Variants in CPNE4 observed in about 807,000 individuals in gnomAD.
CPNE4 encodes the protein copine 4.
CPNE4 carries 25 observed loss-of-function variants against 67.9 expected under a neutral mutation model. That is an observed-to-expected ratio of 0.37 (90% CI 0.27 to 0.51). The LOEUF (loss-of-function observed/expected upper bound fraction) is 0.51, where lower values mean the gene tolerates loss of function less well. CPNE4 is among the 20% of genes least tolerant of loss of function. The pLI is 0.93. For missense variants in CPNE4, 464 were observed against 690.8 expected (o/e 0.67, Z 3.68); for synonymous variants, 242 against 244.9 (o/e 0.99, Z 0.11).
chr3:131,664,061 G>A (rs11921146), intron 7 of CPNE4, among the ~76,000 whole-genome samples: 1 of 151,944 alleles, frequency 6.6e-6, no homozygotes, highest in African/African-American at 2.4e-5. Flanking sequence ...TGAACTTTGT[G>A]TAGGGGAAAG....
At chr3:131,697,212 A>G (rs1361696859) in intron 4 of CPNE4, among the ~76,000 whole-genome samples, 4 of 152,216 alleles carry the variant, frequency 2.6e-5, no homozygotes, top group African/African-American at 9.6e-5. Context: ...ACTTTCTCAT[A>G]ATAGGTCATT....
At chr3:132,021,138 C>T (rs182149351) in intron 1 of CPNE4, among the ~76,000 whole-genome samples, 5 of 152,268 alleles carry the variant, frequency 3.3e-5, no homozygotes, top group African/African-American at 7.2e-5. Flanking sequence ...AAAGTGTTTA[C>T]GTTTGCCTCA....
At chr3:131,976,809 T>C (rs891203583) in intron 1 of CPNE4, among the ~76,000 whole-genome samples, 1 of 152,056 alleles carries the variant, frequency 6.6e-6, no homozygotes, top group African/African-American at 2.4e-5. Context: ...CTTTTTTTTT[T>C]TTCTTTTTTT....
intron 1 of CPNE4, among the ~76,000 whole-genome samples, chr3:131,963,235 T>C (rs1169211976): frequency 4.6e-5 from 7 of 152,104 alleles, no homozygotes; most frequent in Non-Finnish European, 1.0e-4. Flanking sequence ...CCCATGGTTT[T>C]TACAACCCAC....
chr3:131,973,038 C>T (rs1028897906), intron 1 of CPNE4, among the ~76,000 whole-genome samples: 1 of 152,138 alleles, frequency 6.6e-6, no homozygotes, highest in Non-Finnish European at 1.5e-5. Flanking sequence ...TGTACATACA[C>T]CCCTTAACTC....
intron 1 of CPNE4, among the ~76,000 whole-genome samples, chr3:132,025,893 T>C (rs1301020353): frequency 6.6e-6 from 1 of 152,174 alleles, no homozygotes; most frequent in Non-Finnish European, 1.5e-5. Context: ...GCAAATATAG[T>C]GGAGCACATT....
intron 11 of CPNE4, 133 bp downstream of exon 11, chr3:131,564,083 G>T: frequency 9.7e-7 from 1 of 1,035,190 alleles, no homozygotes; most frequent in Non-Finnish European, 1.5e-6. Context: ...CTAGTACAGA[G>T]GGAATGAAAC....
At chr3:131,539,961 C>T (rs994089562) in intron 15 of CPNE4, among the ~76,000 whole-genome samples, 3 of 152,138 alleles carry the variant, frequency 2.0e-5, no homozygotes, top group Non-Finnish European at 2.9e-5. Context: ...CTAGCTCATC[C>T]GTCTGTAAAG....
intron 2 of CPNE4, among the ~76,000 whole-genome samples, chr3:131,796,152 G>GTT (rs951842963): frequency 2.1e-5 from 3 of 145,412 alleles, no homozygotes; most frequent in Non-Finnish European, 3.0e-5. Flanking sequence ...AGATGACAGA[G>GTT]TTTTTTTTTT....
intron 5 of CPNE4, among the ~76,000 whole-genome samples, chr3:131,690,004 A>C (rs2080994769): frequency 6.6e-6 from 1 of 152,206 alleles, no homozygotes; most frequent in Non-Finnish European, 1.5e-5. Flanking sequence ...GATCTCTACA[A>C]GGAAAACTAC....
intron 1 of CPNE4, among the ~76,000 whole-genome samples, chr3:131,984,792 G>C (rs979270343): frequency 1.4e-4 from 21 of 152,158 alleles, no homozygotes; most frequent in African/African-American, 5.1e-4. Flanking sequence ...AGTTTCTTCT[G>C]TCTTCTAGGG....
intron 7 of CPNE4, among the ~76,000 whole-genome samples, chr3:131,599,686 C>A (rs1462228075): frequency 2.0e-5 from 3 of 152,280 alleles, no homozygotes; most frequent in African/African-American, 7.2e-5. Context: ...TAGTGGAAAT[C>A]TGTCTGTACA....
chr3:131,879,090 T>C (rs193235879), intron 2 of CPNE4, among the ~76,000 whole-genome samples: 1 of 152,218 alleles, frequency 6.6e-6, no homozygotes, highest in Admixed American at 6.5e-5. Context: ...TAACTATTAG[T>C]GAACTGAATC....
chr3:131,771,561 A>G (rs1412654182), intron 2 of CPNE4, among the ~76,000 whole-genome samples: 2 of 152,038 alleles, frequency 1.3e-5, no homozygotes, highest in African/African-American at 4.8e-5. Flanking sequence ...TGATTTGCAC[A>G]CACCCAGTCC....
At chr3:131,937,719 G>A (rs990443885) in intron 1 of CPNE4, among the ~76,000 whole-genome samples, 2 of 152,102 alleles carry the variant, frequency 1.3e-5, no homozygotes, top group African/African-American at 4.8e-5. Context: ...AGGGGGAAAG[G>A]AGTTTAAAGA....
intron 3 of CPNE4, among the ~76,000 whole-genome samples, chr3:131,717,889 TC>T (rs2081755689): frequency 2.1e-5 from 1 of 47,218 alleles, no homozygotes; most frequent in Admixed American, 2.2e-4. Context: ...TTTCTTTCTT[TC>T]TTTCTTTCTT....
Position 131,689,188 on chromosome 3 carries a change from A to G in CPNE4, c.508-3230T>C, listed in dbSNP as rs373874621. 5.9e-5 allele frequency among the ~76,000 whole-genome samples: 9 copies of G among 152,306 alleles called. No homozygotes were observed. The East Asian group carries it at 1.7e-3, about 29-fold the overall frequency. On this transcript the variant is annotated intron_variant, in intron 5 of 15. Coordinates refer to ENST00000429747, the MANE Select transcript of CPNE4 (RefSeq NM_130808.3). The stretch of plus-strand genomic sequence containing the variant: ...GTGGACAAAATATTTAATTTCTCCA[A>G]GGCTTAGTTTGCCATTCATAATGGA...
intron 2 of CPNE4, among the ~76,000 whole-genome samples, chr3:131,765,507 CT>C (rs2082990164): frequency 6.6e-6 from 1 of 152,076 alleles, no homozygotes; most frequent in African/African-American, 2.4e-5. Context: ...AGTTCTCTGT[CT>C]TGTAAAACCT....
intron 2 of CPNE4, among the ~76,000 whole-genome samples, chr3:131,846,108 A>G (rs2085986593): frequency 6.6e-6 from 1 of 152,236 alleles, no homozygotes; most frequent in Admixed American, 6.5e-5. Flanking sequence ...TGGGCAAGGC[A>G]CTTAACATTT....
Sources: gnomAD v4.1 joint callset for allele counts (sites outside exome capture counted in the v4.1 genomes callset) on GRCh38, gnomAD v4.1.1 for gene constraint, MANE v1.5 for transcripts, NCBI Gene and HGNC (gene_info 2026-07-23, HGNC 2026-07-21) for gene names.